The following METTL25B variants were observed in gnomAD, a reference collection of about 807,000 sequenced individuals.
The protein encoded by METTL25B is methyltransferase like 25B, also known as methyltransferase-like protein 25B.
A neutral mutation model predicts 48.4 loss-of-function variants in METTL25B; 38 were observed. The observed-to-expected ratio is 0.78, with a 90% CI of 0.61 to 1.03. The LOEUF is 1.03. METTL25B is among the 50% of genes least tolerant of loss of function. The pLI is 0.00. For missense variants in METTL25B, 537 were observed against 603.7 expected, an observed-to-expected ratio of 0.89 and a Z score of 1.16; for synonymous variants, 230 against 254.5, an observed-to-expected ratio of 0.90 and a Z score of 0.92.
chr1:156,732,203 C>G, intron 2 of METTL25B, 78 bp from the exon 3 acceptor site: 1 of 1,608,062 alleles, frequency 6.2e-7, no homozygotes, highest in Non-Finnish European at 8.5e-7. Flanking sequence ...ATAAGGTCTT[C>G]CTGGGCCTCG....
At chr1:156,729,930 C>T (rs1455834812) in intron 1 of METTL25B, among the ~76,000 whole-genome samples, 2 of 152,226 alleles carry the variant, frequency 1.3e-5, no homozygotes, top group Non-Finnish European at 2.9e-5. Context: ...CAGTGCTGTC[C>T]TTCATTGATC....
rs763083277 is a variant in METTL25B, at chr1:156,734,424, G to A, written c.1052G>A (p.Arg351Gln). ...GCAGCACTGGAGACAGTCATCCGAC[G>A]GGCCCGGCCCGAGCTCCGTCGGCCA... ...YRAALETVIR[R>Q]ARPELRRPGV... The change falls in exon 6 of 8, where the codon CGG (arginine) becomes CAG (glutamine). Residue 351 changes from arginine to glutamine, a missense_variant. Arg to Gln is a conservative substitution (Grantham distance 43). Coordinates refer to ENST00000368216, the MANE Select transcript of METTL25B (RefSeq NM_015997.4). The A allele has an allele frequency of 5.6e-6, 9 of 1,609,602 alleles. No homozygotes were observed. The highest frequency in any genetic ancestry group is 2.7e-5 in the African/African-American group (2 of 74,852).
intron 6 of METTL25B, chr1:156,735,475 G>A (rs934332253): frequency 1.6e-5 from 2 of 124,502 alleles, no homozygotes; most frequent in Non-Finnish European, 3.3e-5. Context: ...CAAGGCAGGA[G>A]GATTGCTTGA....
chr1:156,733,568 T>C, intron 5 of METTL25B, 48 bp downstream of exon 5: 1 of 1,595,044 alleles, frequency 6.3e-7, no homozygotes, highest in Non-Finnish European at 8.6e-7. Context: ...AGGGGCTGCT[T>C]GGCTGGAATT....
In METTL25B at chr1:156,736,837, CAG is replaced by C; in HGVS notation, c.*85_*86del. The C allele has an allele frequency of 7.4e-7, 1 of 1,359,194 alleles. No homozygotes were observed. The allele number at this position is 1,359,194 out of a possible 1,614,324, so 84.2% of individuals were successfully genotyped here. On this transcript the variant is annotated 3_prime_UTR_variant, in exon 8 of 8. Coordinates refer to ENST00000368216, the MANE Select transcript of METTL25B (RefSeq NM_015997.4). ...GCAGAGTACATCTCATCCAGAGAAA[CAG>C]CATCCTGCATCCTCCAGAGTCCTGG...
At position 156,736,610 on chromosome 1, in the gene METTL25B, A is replaced by G. The variant is rs759120773; in HGVS notation, c.1307-22A>G. The G allele has an allele frequency of 1.9e-6, 3 of 1,613,352 alleles. No homozygotes were observed. In the African/African-American group the frequency reaches 4.0e-5, roughly 22 times the overall value. On this transcript the variant is annotated intron_variant, in intron 7 of 7. Transcript: ENST00000368216. ...GTGAGTTTGGTTCATTCTTCCCCTT[A>G]TGATTAAGCCCTTTCTCCCAGGTTT... is the stretch of plus-strand genomic sequence containing the variant.
intron 1 of METTL25B, among the ~76,000 whole-genome samples, chr1:156,730,016 C>T (rs1649130655): frequency 6.6e-6 from 1 of 152,194 alleles, no homozygotes. Flanking sequence ...TTGTCCCCAC[C>T]TCCGTTGCTG....
At position 156,728,516 on chromosome 1, in the gene METTL25B, C is replaced by A. The variant is rs1424688223; in HGVS notation, c.-589C>A. The A allele has an allele frequency of 1.0e-6, 1 of 985,512 alleles. No individual in the cohort carries two copies. The highest frequency in any genetic ancestry group is 1.2e-6 in the Non-Finnish European group (1 of 829,934). 61.0% of individuals were successfully genotyped at this position (985,512 alleles called of 1,614,324 possible). On this transcript the variant is annotated 5_prime_UTR_variant, in exon 1 of 8. Coordinates refer to ENST00000368216, the MANE Select transcript of METTL25B (RefSeq NM_015997.4). The stretch of plus-strand genomic sequence containing the variant: ...GAAGGCAGGCGCGCGGGTTAGAACG[C>A]GCCAGAGGTCGGCGCGCGCACACCC...
Position 156,734,405 on chromosome 1 carries a change from C to G in METTL25B, c.1033C>G (p.Leu345Val). Residue 345 changes from leucine (L) to valine (V), a missense_variant, in exon 6 of 8, where the codon CTG (leucine) becomes GTG (valine). Leu to Val is a conservative substitution (Grantham distance 32). Coordinates refer to ENST00000368216, the MANE Select transcript of METTL25B (RefSeq NM_015997.4). ...TCGAACTCACTGCTACCGTGCAGCA[C>G]TGGAGACAGTCATCCGACGGGCCCG... The part of the protein sequence containing the change: ...GLRTHCYRAA[L>V]ETVIRRARPE... 1 of 1,613,142 alleles carries G rather than the reference C, an allele frequency of 6.2e-7. No individual in the cohort carries two copies. Among genetic ancestry groups the G allele is most frequent in the African/African-American group, 1.3e-5 (1 of 75,048 alleles).
Position 156,735,833 on chromosome 1 carries a change from C to T in METTL25B, c.1230C>T (p.Phe410=). The T allele has an allele frequency of 6.2e-7, 1 of 1,613,112 alleles. No individual in the cohort carries two copies. The highest frequency in any genetic ancestry group is 8.5e-7 in the Non-Finnish European group (1 of 1,179,844). Residue 410 remains phenylalanine, a synonymous_variant, in exon 7 of 8, where the codon TTC becomes TTT. Transcript: ENST00000368216. ...VAQENRVVAF[F]SLALLLAPLV... Reference sequence around the variant, plus strand: ...AGGAGAACCGTGTGGTGGCCTTCTTCAGCCTGGCTCTACTGCTTGCCCCAC... The same window carrying T: ...AGGAGAACCGTGTGGTGGCCTTCTTTAGCCTGGCTCTACTGCTTGCCCCAC...
In METTL25B at chr1:156,732,020, A is replaced by G. The variant is rs373705321; in HGVS notation, c.141A>G (p.Thr47=). 9 of 1,613,756 alleles carry G rather than the reference A, an allele frequency of 5.6e-6. No individual in the cohort carries two copies. In the African/African-American group the frequency reaches 1.1e-4, roughly 19 times the overall value. The change falls in exon 2 of 8, where the codon ACA becomes ACG. Residue 47 remains threonine (T), a synonymous_variant. Transcript: ENST00000368216. Reference sequence around the variant, plus strand: ...TTTTCACAGACAACCTATGGGACACACTCCCTTGCTCATGGCAGGAAGCAT... The same window carrying G: ...TTTTCACAGACAACCTATGGGACACGCTCCCTTGCTCATGGCAGGAAGCAT... ...IEFFTDNLWD[T]LPCSWQEALD...
rs747951738 is a variant in METTL25B at position 156,732,989 on chromosome 1, TGAA to T, written c.439_441del (p.Lys147del). ...CTTTGTTTCCTCCTTTTTCAGTTGG[TGAA>T]GAAGCTGAGTGATTTCACAGGCTGC... On this transcript the variant is annotated inframe_deletion, in exon 4 of 8. Coordinates refer to ENST00000368216, the MANE Select transcript of METTL25B (RefSeq NM_015997.4). 26 of 1,614,104 alleles carry T rather than the reference TGAA, an allele frequency of 1.6e-5. No homozygotes were observed. Among genetic ancestry groups the T allele is most frequent in the Non-Finnish European group, 2.2e-5 (26 of 1,179,988 alleles).
Position 156,731,915 on chromosome 1 carries a change from G to C in METTL25B, c.112-76G>C, listed in dbSNP as rs999607850. ...GTGCTGGGAAGAGGCAGGCAATGAG[G>C]TGTGTAGTTGAGAGTGGTGTGGGAA... On this transcript the variant is annotated intron_variant, in intron 1 of 7. Coordinates refer to ENST00000368216, the MANE Select transcript of METTL25B (RefSeq NM_015997.4). The C allele has an allele frequency of 5.1e-6, 8 of 1,573,542 alleles. No homozygotes were observed. In the African/African-American group the frequency reaches 9.4e-5, roughly 19 times the overall value.
intron 1 of METTL25B, among the ~76,000 whole-genome samples, chr1:156,731,721 CAAAT>C (rs2102649578): frequency 6.6e-6 from 1 of 152,324 alleles, no homozygotes; most frequent in Admixed American, 6.5e-5. Flanking sequence ...AAAACAGACA[CAAAT>C]AAGTGCAGAA....
intron 1 of METTL25B, among the ~76,000 whole-genome samples, chr1:156,730,688 C>T (rs867119922): frequency 3.0e-4 from 46 of 152,132 alleles, no homozygotes; most frequent in African/African-American, 1.0e-3. Flanking sequence ...GCTGAGATCG[C>T]GCCACTGCAC....
chr1:156,734,053 G>A lies in METTL25B; in HGVS notation c.681G>A (p.Arg227=), dbSNP rs1649512715. The change falls in exon 6 of 8, where the codon AGG becomes AGA. Residue 227 remains arginine (R), a synonymous_variant. Transcript: ENST00000368216. ...GTCACTCCCCACACCACGTGGTTAG[G>A]TGGGTAGACCCCACAGCCCTGTGTG... is the stretch of plus-strand genomic sequence containing the variant. ...SPRHSPHHVV[R]WVDPTALCEE... is the part of the protein sequence containing the mutation. 1 of 1,613,380 alleles carries A rather than the reference G, an allele frequency of 6.2e-7. No individual in the cohort carries two copies. Among genetic ancestry groups the A allele is most frequent in the Non-Finnish European group, 8.5e-7 (1 of 1,179,608 alleles).
At chr1:156,730,078 ATC>A (rs1649139492) in intron 1 of METTL25B, among the ~76,000 whole-genome samples, 1 of 152,086 alleles carries the variant, frequency 6.6e-6, no homozygotes, top group African/African-American at 2.4e-5. Flanking sequence ...TTCCTAACCG[ATC>A]TTGCTGTGTG....
chr1:156,732,911 C>T (rs1036289290), intron 3 of METTL25B, 74 bp from the exon 4 acceptor site: 38 of 1,262,136 alleles, frequency 3.0e-5, no homozygotes, highest in Non-Finnish European at 4.4e-5. Context: ...TTGTCTCTTC[C>T]ACTCTCAGTA....
chr1:156,729,033 A>C lies in METTL25B; in HGVS notation c.-72A>C. On this transcript the variant is annotated 5_prime_UTR_variant, in exon 1 of 8. Transcript: ENST00000368216. ...GAGTTGAGCCCCGTCCGGGTCCTGG[A>C]CCCGCGTAGTACTGACCCTGGATCC... 1 of 822,622 alleles carries C rather than the reference A, an allele frequency of 1.2e-6. No individual in the cohort carries two copies. Among genetic ancestry groups the C allele is most frequent in the Non-Finnish European group, 1.9e-6 (1 of 527,592 alleles). The allele number at this position is 822,622 out of a possible 1,614,324, so 51.0% of individuals were successfully genotyped here.
Sources: gnomAD v4.1 joint callset for allele counts (sites outside exome capture counted in the v4.1 genomes callset) on GRCh38, gnomAD v4.1.1 for gene constraint, MANE v1.5 for transcripts, NCBI Gene and HGNC (gene_info 2026-07-23, HGNC 2026-07-21) for gene names.